Variants in ZNF782 observed in about 807,000 individuals in gnomAD.
ZNF782 encodes the protein zinc finger protein 782.
A neutral mutation model predicts 13.0 loss-of-function variants in ZNF782; 12 were observed. That is an observed-to-expected ratio of 0.92 (90% CI 0.59 to 1.50). ZNF782 has a LOEUF of 1.50. ZNF782 is among the 40% of genes most tolerant of loss of function. ZNF782 has a pLI of 0.00. For missense variants in ZNF782, 770 were observed against 822.9 expected, an observed-to-expected ratio of 0.94 and a Z score of 0.79; for synonymous variants, 284 against 283.0, an observed-to-expected ratio of 1.00 and a Z score of -0.04.
At chr9:96,906,730 T>TA in the ZNF782 span, among the ~76,000 whole-genome samples, 1 of 151,454 alleles carries the variant, frequency 6.6e-6, no homozygotes, top group Admixed American at 6.6e-5. Context: ...TTGCAGTTTT[T>TA]ATAGAAGCTT....
the ZNF782 span, chr9:96,931,828 G>A: frequency 1.3e-5 from 21 of 1,612,168 alleles, no homozygotes; most frequent in African/African-American, 2.7e-5. Flanking sequence ...CACACAGGCC[G>A]CCCCTCGTGA....
chr9:96,919,127 C>T, the ZNF782 span: 1 of 163,484 alleles, frequency 6.1e-6, no homozygotes, highest in East Asian at 2.0e-4. Context: ...TCCAAAAAAT[C>T]AAAATTGGAA....
upstream of ZNF782, among the ~76,000 whole-genome samples, chr9:96,857,842 T>G: frequency 6.6e-6 from 1 of 152,270 alleles, no homozygotes; most frequent in East Asian, 1.9e-4. Context: ...TTCTATTAGC[T>G]TTAGAATAAC....
At chr9:96,852,349 A>G (rs1371371983) in intron 2 of ZNF782, among the ~76,000 whole-genome samples, 1 of 152,230 alleles carries the variant, frequency 6.6e-6, no homozygotes, top group Non-Finnish European at 1.5e-5. Context: ...TCTTTCATTA[A>G]AATTAACCTA....
At chr9:96,872,364 C>T (rs529220608) in intron 1 of ZNF782, among the ~76,000 whole-genome samples, 1 of 152,160 alleles carries the variant, frequency 6.6e-6, no homozygotes, top group Non-Finnish European at 1.5e-5. Flanking sequence ...AACCTCATCT[C>T]TACTAAAAAT....
intron 4 of ZNF782, among the ~76,000 whole-genome samples, chr9:96,830,835 A>T (rs1193749493): frequency 6.6e-6 from 1 of 152,222 alleles, no homozygotes; most frequent in East Asian, 1.9e-4. Flanking sequence ...AAACAATAAG[A>T]AACATGAAAC....
chr9:96,833,090 A>G (rs1850858891), intron 4 of ZNF782, among the ~76,000 whole-genome samples: 1 of 152,154 alleles, frequency 6.6e-6, no homozygotes, highest in African/African-American at 2.4e-5. Flanking sequence ...TGCTGTGCAC[A>G]TGTAATGATT....
chr9:96,830,932 G>A (rs1031243898), intron 4 of ZNF782, among the ~76,000 whole-genome samples: 2 of 152,174 alleles, frequency 1.3e-5, no homozygotes, highest in Admixed American at 1.3e-4. Context: ...CAGTGGATGG[G>A]TTCAACAGCA....
chr9:96,877,643 G>C (rs10116222), upstream of ZNF782, among the ~76,000 whole-genome samples: 1 of 152,234 alleles, frequency 6.6e-6, no homozygotes, highest in African/African-American at 2.4e-5. Flanking sequence ...TTCGGGCGGG[G>C]TCCGTTCCTT....
the ZNF782 span, chr9:96,931,843 A>G: frequency 3.1e-6 from 5 of 1,612,186 alleles, no homozygotes; most frequent in African/African-American, 5.3e-5. Flanking sequence ...TCGTGACTGC[A>G]GTGGTTCCTC....
In ZNF782 at chr9:96,850,621, T is replaced by C. The variant is rs538253968; in HGVS notation, c.15+1326A>G. Among the ~76,000 whole-genome samples the C allele has an allele frequency of 1.3e-5, 2 of 152,276 alleles. No homozygotes were observed. Among genetic ancestry groups the C allele is most frequent in the South Asian group, 4.1e-4 (2 of 4,826 alleles). On this transcript the variant is annotated intron_variant, in intron 3 of 5. Transcript: ENST00000481138. The surrounding 1 kb of genome is among the most constrained non-coding windows in gnomAD (Gnocchi z 4.3). ...AATTCACCACTATATAATTCATCCA[T>C]GTAACAAGAAACCACTTGTACCCCA...
upstream of ZNF782, among the ~76,000 whole-genome samples, chr9:96,878,251 T>C (rs1291607515): frequency 6.6e-6 from 1 of 152,236 alleles, no homozygotes; most frequent in East Asian, 1.9e-4. Flanking sequence ...GGTTTCACCA[T>C]GTTGGCCAGT....
chr9:96,844,803 G>T, intron 4 of ZNF782, 87 bp downstream of exon 4: 6 of 1,584,254 alleles, frequency 3.8e-6, no homozygotes, highest in Non-Finnish European at 4.3e-6. Context: ...ACTGTAGAGG[G>T]AGTCACATGG....
chr9:96,863,868 C>T (rs970285958), intron 1 of ZNF782, among the ~76,000 whole-genome samples: 1 of 151,850 alleles, frequency 6.6e-6, no homozygotes, highest in East Asian at 1.9e-4. Flanking sequence ...GGAGGAAGGT[C>T]GGGAGGGGGT....
chr9:96,825,006 A>G (rs1202482706), intron 5 of ZNF782, among the ~76,000 whole-genome samples: 1 of 151,712 alleles, frequency 6.6e-6, no homozygotes, highest in East Asian at 1.9e-4. Flanking sequence ...ATTCAATGCC[A>G]TCCCCATCAA....
chr9:96,862,440 A>G (rs1260688654), intron 1 of ZNF782, among the ~76,000 whole-genome samples: 3 of 152,228 alleles, frequency 2.0e-5, no homozygotes, highest in African/African-American at 7.2e-5. Context: ...TTTACCCTAC[A>G]GTTACACATT....
chr9:96,911,526 G>GTT, the ZNF782 span, among the ~76,000 whole-genome samples: 8 of 83,602 alleles, frequency 9.6e-5, no homozygotes, highest in East Asian at 4.4e-4. Flanking sequence ...GTTTTGTTTT[G>GTT]TTTTTTTTTT....
chr9:96,824,519 A>G (rs887421822), intron 5 of ZNF782, among the ~76,000 whole-genome samples: 9 of 151,594 alleles, frequency 5.9e-5, no homozygotes, highest in African/African-American at 1.9e-4. Context: ...CTCTCTCACC[A>G]CTCCTATTCA....
chr9:96,817,783 T>G lies in ZNF782; in HGVS notation c.*140A>C. The G allele has an allele frequency of 1.4e-6, 1 of 696,474 alleles. No homozygotes were observed. The highest frequency in any genetic ancestry group is 2.2e-6 in the Non-Finnish European group (1 of 446,586). 43.1% of individuals were successfully genotyped at this position (696,474 alleles called of 1,614,324 possible). A position where few individuals can be genotyped will look rare whatever the true frequency, so the allele number is the denominator to read the frequency against. ...ATTTCAACAATTTATCTTCTATTCT[T>G]TGATATTTGGTGGAGGCTGAAATTG... On this transcript the variant is annotated 3_prime_UTR_variant, in exon 6 of 6. Coordinates refer to ENST00000481138, the MANE Select transcript of ZNF782 (RefSeq NM_001001662.3).
Sources: allele counts gnomAD v4.1 joint callset (sites outside exome capture counted in the v4.1 genomes callset), GRCh38; gene constraint gnomAD v4.1.1; non-coding constraint Gnocchi (gnomAD v3.1); transcripts MANE v1.5; gene names NCBI Gene and HGNC (gene_info 2026-07-23, HGNC 2026-07-21).